Variants in ZNF713 observed in about 807,000 individuals in gnomAD.
ZNF713 encodes the protein zinc finger protein 713.
Under a neutral mutation model 28.7 loss-of-function variants are expected in ZNF713, and 21 were observed. The ratio of observed to expected loss-of-function variants is 0.73; its 90% CI spans 0.52 to 1.05. The LOEUF is 1.05. Among genes scored for constraint, ZNF713 ranks in the 50% least tolerant of loss-of-function variants. The pLI is 0.00. For synonymous variants in ZNF713, 167 were observed against 178.0 expected, an observed-to-expected ratio of 0.94 and a Z score of 0.49; for missense variants, 458 against 532.4, an observed-to-expected ratio of 0.86 and a Z score of 1.37.
intron 1 of ZNF713, among the ~76,000 whole-genome samples, chr7:55,901,200 T>C (rs1192866284): frequency 1.3e-5 from 2 of 152,074 alleles, no homozygotes; most frequent in African/African-American, 2.4e-5. Context: ...CTCACAATCA[T>C]GGTGGAAGGC....
In ZNF713 at chr7:55,894,637, C is replaced by T. The variant is rs187792144; in HGVS notation, c.-583+6957C>T. On this transcript the variant is annotated intron_variant, in intron 1 of 6. Coordinates refer to ENST00000429591, the MANE Select transcript of ZNF713 (RefSeq NM_182633.3). ...TGCCTTTTCTTTGACCCTGCAATTA[C>T]ACTTTTCCTAAGGAACTAATCAGGC... Among the ~76,000 whole-genome samples, 119 of 152,260 alleles carry T rather than the reference C, an allele frequency of 7.8e-4. 1 individual carries two copies. Among genetic ancestry groups the T allele is most frequent in the Non-Finnish European group, 2.1e-4 (14 of 68,010 alleles).
intron 1 of ZNF713, among the ~76,000 whole-genome samples, chr7:55,893,776 C>G (rs914992161): frequency 6.6e-6 from 1 of 152,060 alleles, no homozygotes; most frequent in East Asian, 1.9e-4. Flanking sequence ...GACAGCATTT[C>G]ACTATGTTGG....
At chr7:55,887,896 C>CAAGT (rs764810608) in intron 1 of ZNF713, among the ~76,000 whole-genome samples, 1 of 82,250 alleles carries the variant, frequency 1.2e-5, no homozygotes, top group Admixed American at 1.2e-4. Context: ...CGGGCGGCGG[C>CAAGT]GGCGGCGGGA....
chr7:55,887,893 C>CG (rs1554334692), intron 1 of ZNF713, among the ~76,000 whole-genome samples: 1 of 87,478 alleles, frequency 1.1e-5, no homozygotes, highest in Non-Finnish European at 2.2e-5. Context: ...CGGCGGGCGG[C>CG]GGCGGCGGCG....
intron 4 of ZNF713, among the ~76,000 whole-genome samples, chr7:55,914,775 A>G (rs553827255): frequency 6.6e-6 from 1 of 152,354 alleles, no homozygotes; most frequent in African/African-American, 2.4e-5. Flanking sequence ...ACTGTCAGCT[A>G]GAGCTGAGCT....
intron 6 of ZNF713, among the ~76,000 whole-genome samples, chr7:55,928,993 C>A (rs535189536): frequency 6.8e-6 from 1 of 147,252 alleles, no homozygotes; most frequent in East Asian, 2.0e-4. Flanking sequence ...AAAAAAATAG[C>A]CAGGTGTGGT....
At chr7:55,892,298 A>C (rs1369931247) in intron 1 of ZNF713, among the ~76,000 whole-genome samples, 28 of 129,606 alleles carry the variant, frequency 2.2e-4, no homozygotes, top group Admixed American at 1.7e-3. Context: ...AAAAAAAAAA[A>C]AAAAAACCCC....
chr7:55,927,915 A>AAAAAAAAAAAG (rs1562746758), intron 6 of ZNF713, among the ~76,000 whole-genome samples: 3 of 148,020 alleles, frequency 2.0e-5, no homozygotes, highest in Non-Finnish European at 4.5e-5. Context: ...AAAAAAAAAA[A>AAAAAAAAAAAG]AAAAAGCCAC....
chr7:55,903,713 A>G (rs1785621866), intron 1 of ZNF713, among the ~76,000 whole-genome samples: 1 of 151,844 alleles, frequency 6.6e-6, no homozygotes, highest in African/African-American at 2.4e-5. Flanking sequence ...GAAGATGTAA[A>G]TGAGCAACCT....
rs1390975780 is a variant in ZNF713, at chr7:55,940,967, C to T, written c.*961C>T. On this transcript the variant is annotated 3_prime_UTR_variant, in exon 7 of 7. Transcript: ENST00000429591. ...AGTAGCTGGGACTACAGGTGCGTAC[C>T]ACCACGCCTGGCTAACTTTTTTTTT... is the stretch of plus-strand genomic sequence containing the variant. The T allele has an allele frequency of 6.7e-6, 1 of 149,102 alleles. No homozygotes were observed. Among genetic ancestry groups the T allele is most frequent in the Admixed American group, 6.7e-5 (1 of 15,014 alleles). 9.2% of individuals were successfully genotyped at this position (149,102 alleles called of 1,614,324 possible). A position where few individuals can be genotyped will look rare whatever the true frequency, so the allele number is the denominator to read the frequency against.
chr7:55,905,222 G>A (rs1325243069), intron 1 of ZNF713, among the ~76,000 whole-genome samples: 6 of 152,274 alleles, frequency 3.9e-5, no homozygotes, highest in Admixed American at 6.5e-5. Context: ...TAGTTGTTCC[G>A]AACTCTGGCT....
Position 55,940,117 on chromosome 7 carries a change from A to G in ZNF713, c.*111A>G. The stretch of plus-strand genomic sequence containing the variant: ...CATAGTGGAGAGAAAGCTTATACAT[A>G]AATTTTTGTTTTGTTTTGTTTTTGA... On this transcript the variant is annotated 3_prime_UTR_variant, in exon 7 of 7. Transcript: ENST00000429591. 5.5e-6 allele frequency: 8 copies of G among 1,443,242 alleles called. No homozygotes were observed. Among genetic ancestry groups the G allele is most frequent in the African/African-American group, 2.9e-5 (2 of 69,512 alleles). The allele number at this position is 1,443,242 out of a possible 1,614,324, so 89.4% of individuals were successfully genotyped here. A position where few individuals can be genotyped will look rare whatever the true frequency, so the allele number is the denominator to read the frequency against.
chr7:55,902,612 A>C (rs932031478), intron 1 of ZNF713, among the ~76,000 whole-genome samples: 6 of 152,192 alleles, frequency 3.9e-5, no homozygotes, highest in Non-Finnish European at 8.8e-5. Context: ...TCAGGCCTAT[A>C]TCTCTCCATT....
chr7:55,934,373 C>T (rs1238699442), intron 6 of ZNF713, among the ~76,000 whole-genome samples: 1 of 152,044 alleles, frequency 6.6e-6, no homozygotes, highest in Non-Finnish European at 1.5e-5. Flanking sequence ...AATGCTCAAG[C>T]TAAACATAAT....
chr7:55,913,939 T>C (rs1323887275), intron 4 of ZNF713, among the ~76,000 whole-genome samples: 1 of 151,974 alleles, frequency 6.6e-6, no homozygotes, highest in African/African-American at 2.4e-5. Flanking sequence ...GGTGAAACCC[T>C]GTCTCTACTA....
intron 5 of ZNF713, 76 bp downstream of exon 5, chr7:55,923,364 T>A: frequency 6.6e-7 from 1 of 1,526,612 alleles, no homozygotes; most frequent in Non-Finnish European, 8.8e-7. Context: ...GCCTGCAAAG[T>A]TTTTGTGAAT....
chr7:55,918,291 C>T (rs1785925266), intron 4 of ZNF713: 2 of 262,636 alleles, frequency 7.6e-6, no homozygotes, highest in South Asian at 3.8e-5. Flanking sequence ...ACCAATTTGC[C>T]AGCCTTGTGA....
Position 55,915,265 on chromosome 7 carries a change from A to G in ZNF713, c.87+2542A>G, listed in dbSNP as rs565694916. On this transcript the variant is annotated intron_variant, in intron 4 of 6. Transcript: ENST00000429591. ...TTTTAATTTTCTGGAACCATTTATT[A>G]TGTTTAGAAGGAAGATGATTCATTC... 3.6e-3 allele frequency among the ~76,000 whole-genome samples: 543 copies of G among 152,332 alleles called. 2 individuals are homozygous for G. The highest frequency in any genetic ancestry group is 5.4e-3 in the Non-Finnish European group (368 of 68,032).
At chr7:55,919,067 A>G (rs1785936763) in intron 4 of ZNF713, among the ~76,000 whole-genome samples, 2 of 152,344 alleles carry the variant, frequency 1.3e-5, no homozygotes, top group South Asian at 4.1e-4. Context: ...GAGATTCTCA[A>G]GTAGAAAATT....
Sources: allele counts gnomAD v4.1 joint callset (sites outside exome capture counted in the v4.1 genomes callset), GRCh38; gene constraint gnomAD v4.1.1; transcripts MANE v1.5; gene names NCBI Gene and HGNC (gene_info 2026-07-23, HGNC 2026-07-21).